The following PPP1R12A variants were observed in gnomAD, a reference collection of about 807,000 sequenced individuals.
PPP1R12A encodes the protein protein phosphatase 1 regulatory subunit 12A, also known as myosin binding subunit.
A neutral mutation model predicts 139.6 loss-of-function variants in PPP1R12A; 19 were observed. That is an observed-to-expected ratio of 0.14 (90% confidence interval 0.09 to 0.20). PPP1R12A has a LOEUF of 0.20. Ranked by LOEUF, PPP1R12A falls within the 10% of genes least tolerant of loss-of-function variation. PPP1R12A has a pLI of 1.00. For missense variants in PPP1R12A, 925 were observed against 1,211.5 expected (o/e 0.76, Z 3.51); for synonymous variants, 427 against 420.6 (o/e 1.02, Z -0.19).
At chr12:79,905,337 C>CTG (rs1490348790) in intron 1 of PPP1R12A, among the ~76,000 whole-genome samples, 1 of 46,344 alleles carries the variant, frequency 2.2e-5, no homozygotes, top group Admixed American at 3.6e-4. Flanking sequence ...TTTTGTTTTG[C>CTG]CGCCCCCCCC....
chr12:79,882,170 TA>T (rs1325576074), intron 1 of PPP1R12A, among the ~76,000 whole-genome samples: 3 of 152,212 alleles, frequency 2.0e-5, no homozygotes, highest in Non-Finnish European at 4.4e-5. Context: ...TCTTCGTATT[TA>T]AAAAATACAT....
At chr12:79,929,995 G>T (rs149649217) in intron 1 of PPP1R12A, among the ~76,000 whole-genome samples, 17 of 152,240 alleles carry the variant, frequency 1.1e-4, no homozygotes, top group Admixed American at 9.2e-4. Flanking sequence ...CCTTTAGTGA[G>T]CATCTACTAT....
chr12:79,817,876 T>G (rs1241359915), intron 8 of PPP1R12A, among the ~76,000 whole-genome samples: 1 of 152,234 alleles, frequency 6.6e-6, no homozygotes, highest in Non-Finnish European at 1.5e-5. Context: ...CTATGCAATT[T>G]TCTAATGGAT....
At chr12:79,906,729 C>T (rs922737967) in intron 1 of PPP1R12A, among the ~76,000 whole-genome samples, 3 of 152,086 alleles carry the variant, frequency 2.0e-5, no homozygotes, top group Non-Finnish European at 4.4e-5. Context: ...CTGCAACTTC[C>T]GCCTCCCAGG....
chr12:79,800,429 C>G (rs1465412633), intron 14 of PPP1R12A, among the ~76,000 whole-genome samples: 2 of 152,134 alleles, frequency 1.3e-5, no homozygotes, highest in African/African-American at 4.8e-5. Context: ...TTTTCTCTAG[C>G]TAGCTTTATA....
chr12:79,927,156 C>G (rs1887909274), intron 1 of PPP1R12A, among the ~76,000 whole-genome samples: 1 of 152,126 alleles, frequency 6.6e-6, no homozygotes, highest in South Asian at 2.1e-4. Context: ...CCACTGCACT[C>G]CAGCCATGGT....
At chr12:79,868,793 T>C (rs1882260757) in intron 2 of PPP1R12A, among the ~76,000 whole-genome samples, 1 of 152,168 alleles carries the variant, frequency 6.6e-6, no homozygotes, top group East Asian at 1.9e-4. Flanking sequence ...CAAGTAAGAA[T>C]TTTGGGTGAC....
intron 2 of PPP1R12A, among the ~76,000 whole-genome samples, chr12:79,867,601 G>T (rs1565787393): frequency 6.6e-6 from 1 of 152,188 alleles, no homozygotes; most frequent in Admixed American, 6.5e-5. Context: ...CAGTACATAA[G>T]GAGAAATAAT....
intron 20 of PPP1R12A, among the ~76,000 whole-genome samples, chr12:79,789,149 C>G (rs1174527946): frequency 6.6e-6 from 1 of 152,048 alleles, no homozygotes; most frequent in Non-Finnish European, 1.5e-5. Flanking sequence ...CCAGGCTGGT[C>G]TTGAACTCCT....
intron 2 of PPP1R12A, 62 bp downstream of exon 2, chr12:79,872,746 C>A: frequency 1.3e-6 from 2 of 1,529,286 alleles, no homozygotes; most frequent in Non-Finnish European, 1.8e-6. Context: ...TTTATCACTT[C>A]AATAAACATT....
intron 11 of PPP1R12A, among the ~76,000 whole-genome samples, chr12:79,807,903 G>T (rs1333007980): frequency 6.6e-6 from 1 of 151,804 alleles, no homozygotes. Context: ...TGAGCAGGGT[G>T]GCAGGTGCCT....
intron 5 of PPP1R12A, among the ~76,000 whole-genome samples, chr12:79,823,018 A>G (rs1272775329): frequency 2.0e-5 from 3 of 152,150 alleles, no homozygotes; most frequent in Non-Finnish European, 2.9e-5. Flanking sequence ...AAAAATATAT[A>G]TATGTTTAAG....
chr12:79,853,901 G>A (rs1397219782), intron 2 of PPP1R12A, among the ~76,000 whole-genome samples: 1 of 152,142 alleles, frequency 6.6e-6, no homozygotes. Flanking sequence ...CAATGACTTT[G>A]TATAATTGAT....
In PPP1R12A at chr12:79,796,887, T is replaced by C. The variant is rs749732505; in HGVS notation, c.2356A>G (p.Thr786Ala). 3.1e-6 allele frequency: 5 copies of C among 1,612,398 alleles called. No homozygotes were observed. The highest frequency in any genetic ancestry group is 4.2e-6 in the Non-Finnish European group (5 of 1,178,642). The part of the protein sequence containing the change: ...SSTTPSSSLS[T>A]MSSSLYASSQ... ...GAAGCATACAGTGAACTGCTCATAGTAGAAAGTGAAGAGGATGGAGTGGTT... is the reference window on the plus strand; with the variant it reads ...GAAGCATACAGTGAACTGCTCATAGCAGAAAGTGAAGAGGATGGAGTGGTT... Residue 786 changes from threonine to alanine, a missense_variant, in exon 17 of 25, where the codon ACT (threonine) becomes GCT (alanine). By Grantham distance (58) the Thr-to-Ala change is moderately conservative (BLOSUM62 0). This residue lies in a region of PPP1R12A where 315 missense variants were observed against 363.4 expected (regional missense o/e 0.87). Transcript: ENST00000450142.
chr12:79,844,877 C>T (rs1209287826), intron 3 of PPP1R12A, among the ~76,000 whole-genome samples: 1 of 152,174 alleles, frequency 6.6e-6, no homozygotes, highest in African/African-American at 2.4e-5. Context: ...TCATTGCTCC[C>T]CTTGTCTGGA....
chr12:79,860,686 G>C (rs1881214776), intron 2 of PPP1R12A, among the ~76,000 whole-genome samples: 1 of 152,140 alleles, frequency 6.6e-6, no homozygotes, highest in Non-Finnish European at 1.5e-5. Flanking sequence ...ACTGGAACTA[G>C]TATTTTACGT....
In PPP1R12A at chr12:79,797,254, CCTT is replaced by C. The variant is rs754085694; in HGVS notation, c.2230_2232del (p.Lys744del). 50 of 1,588,866 alleles carry C rather than the reference CCTT, an allele frequency of 3.1e-5. No homozygotes were observed. The highest frequency in any genetic ancestry group is 1.9e-4 in the Middle Eastern group (1 of 5,304). ...TCATCTTCTCTAGATGTTTCTGACTCCTTCTTTTCTTCTTGTTTCTCTTTATCT... is the reference window on the plus strand; with the variant it reads ...TCATCTTCTCTAGATGTTTCTGACTCCTTTTCTTCTTGTTTCTCTTTATCT... On this transcript the variant is annotated inframe_deletion, in exon 16 of 25. Coordinates refer to ENST00000450142, the MANE Select transcript of PPP1R12A (RefSeq NM_002480.3).
chr12:79,841,961 C>A (rs938963924), intron 3 of PPP1R12A, among the ~76,000 whole-genome samples: 1 of 151,920 alleles, frequency 6.6e-6, no homozygotes, highest in Non-Finnish European at 1.5e-5. Flanking sequence ...TTTTATAACA[C>A]CTCAATTCTA....
chr12:79,783,984 G>C (rs972198785), intron 22 of PPP1R12A, among the ~76,000 whole-genome samples: 1 of 152,138 alleles, frequency 6.6e-6, no homozygotes, highest in African/African-American at 2.4e-5. Flanking sequence ...ATGGGAAGGA[G>C]GGTACCTGGG....
Sources: gnomAD v4.1 joint callset for allele counts (sites outside exome capture counted in the v4.1 genomes callset) on GRCh38, gnomAD v4.1.1 for gene constraint, gnomAD v4.1.1 regional missense constraint, MANE v1.5 for transcripts, NCBI Gene and HGNC (gene_info 2026-07-23, HGNC 2026-07-21) for gene names.